Variants in UBE2E3 observed in about 807,000 individuals in gnomAD.
UBE2E3 encodes ubiquitin-conjugating enzyme E2 E3.
A neutral mutation model predicts 23.6 loss-of-function variants in UBE2E3; 5 were observed. The observed-to-expected ratio is 0.21, with a 90% CI of 0.11 to 0.44. The LOEUF is 0.44. Ranked by LOEUF, UBE2E3 falls within the 20% of genes least tolerant of loss-of-function variation. The pLI is 0.99. For synonymous variants in UBE2E3, 78 were observed against 87.5 expected, an observed-to-expected ratio of 0.89 and a Z score of 0.60; for missense variants, 81 against 249.8, an observed-to-expected ratio of 0.32 and a Z score of 4.55.
At chr2:181,058,702 A>G (rs1175051637) in intron 4 of UBE2E3, among the ~76,000 whole-genome samples, 1 of 146,950 alleles carries the variant, frequency 6.8e-6, no homozygotes, top group Non-Finnish European at 1.5e-5. Flanking sequence ...AGTCTATACC[A>G]TTTAAAATTT....
At chr2:181,012,794 A>G (rs1685374801) in intron 3 of UBE2E3, among the ~76,000 whole-genome samples, 1 of 152,150 alleles carries the variant, frequency 6.6e-6, no homozygotes, top group Non-Finnish European at 1.5e-5. Flanking sequence ...ACATTAGACT[A>G]AAGTTTTATT....
chr2:181,046,893 C>G (rs929663506), intron 3 of UBE2E3, among the ~76,000 whole-genome samples: 2 of 152,104 alleles, frequency 1.3e-5, no homozygotes, highest in Admixed American at 6.6e-5. Flanking sequence ...TATTGGGCCC[C>G]TGTCCCTCTT....
At chr2:180,989,522 T>G (rs1366043590) in intron 3 of UBE2E3, among the ~76,000 whole-genome samples, 1 of 152,160 alleles carries the variant, frequency 6.6e-6, no homozygotes, top group East Asian at 1.9e-4. Flanking sequence ...CTAGCTACTG[T>G]TTTTGCTTAT....
At chr2:180,985,426 T>TA (rs530199263) in intron 3 of UBE2E3, among the ~76,000 whole-genome samples, 5 of 152,110 alleles carry the variant, frequency 3.3e-5, no homozygotes, top group African/African-American at 1.2e-4. Context: ...TGCATTGACT[T>TA]AAAAAAAGTT....
At chr2:181,027,356 A>G (rs1211982117) in intron 3 of UBE2E3, among the ~76,000 whole-genome samples, 1 of 151,916 alleles carries the variant, frequency 6.6e-6, no homozygotes, top group African/African-American at 2.4e-5. Flanking sequence ...GCTGCATCAT[A>G]TATCATGGTC....
intron 3 of UBE2E3, among the ~76,000 whole-genome samples, chr2:181,044,027 T>G (rs755674072): frequency 4.6e-5 from 7 of 152,152 alleles, no homozygotes; most frequent in Non-Finnish European, 8.8e-5. Flanking sequence ...GGATAGCTTC[T>G]TGGATGTGGG....
intron 3 of UBE2E3, among the ~76,000 whole-genome samples, chr2:181,028,482 C>T (rs1439486881): frequency 6.6e-6 from 1 of 152,032 alleles, no homozygotes; most frequent in Non-Finnish European, 1.5e-5. Context: ...CAAGATAATG[C>T]CAAATTGGTG....
intron 3 of UBE2E3, among the ~76,000 whole-genome samples, chr2:181,005,112 G>T (rs138933530): frequency 6.6e-6 from 1 of 152,192 alleles, no homozygotes; most frequent in African/African-American, 2.4e-5. Context: ...ACATAAATTT[G>T]TTGGCTCACA....
intron 3 of UBE2E3, among the ~76,000 whole-genome samples, chr2:181,027,973 T>C (rs1685951341): frequency 6.6e-6 from 1 of 152,012 alleles, no homozygotes; most frequent in South Asian, 2.1e-4. Context: ...CTAGATGGTA[T>C]CATTGAATCT....
chr2:181,041,164 C>CTTGAACCCGGGAGGCA (rs1686483554), intron 3 of UBE2E3, among the ~76,000 whole-genome samples: 2 of 136,946 alleles, frequency 1.5e-5, no homozygotes, highest in Admixed American at 8.2e-5. Flanking sequence ...AGGAGAATTG[C>CTTGAACCCGGGAGGCA]TTGAACCCGG....
chr2:181,010,833 G>C lies in UBE2E3; in HGVS notation c.245+26740G>C, dbSNP rs545103589. Among the ~76,000 whole-genome samples the C allele has an allele frequency of 6.2e-5, 9 of 145,598 alleles. 1 individual carries two copies. The South Asian group carries it at 1.9e-3, about 31-fold the overall frequency. On this transcript the variant is annotated intron_variant, in intron 3 of 5. Coordinates refer to ENST00000410062, the MANE Select transcript of UBE2E3 (RefSeq NM_006357.4). ...CCTCTTTTTTTTTTTTTTACATTTT[G>C]CATGGATGTGTTTATTGGCAACATT...
chr2:181,000,790 G>A (rs1405274064), intron 3 of UBE2E3, among the ~76,000 whole-genome samples: 1 of 152,158 alleles, frequency 6.6e-6, no homozygotes, highest in Non-Finnish European at 1.5e-5. Flanking sequence ...TCCTGATCGT[G>A]TGATCCGACC....
intron 5 of UBE2E3, among the ~76,000 whole-genome samples, chr2:181,062,318 A>C (rs1182912844): frequency 1.3e-5 from 2 of 151,724 alleles, no homozygotes; most frequent in African/African-American, 4.8e-5. Flanking sequence ...ATGGCAAGTA[A>C]GTTTTCAAGT....
intron 3 of UBE2E3, among the ~76,000 whole-genome samples, chr2:181,044,389 C>T (rs543446895): frequency 5.9e-5 from 9 of 152,078 alleles, no homozygotes; most frequent in Non-Finnish European, 1.2e-4. Context: ...TTATCTATGG[C>T]ACTATGTATG....
At chr2:180,985,426 TAAAA>T (rs530199263) in intron 3 of UBE2E3, among the ~76,000 whole-genome samples, 1 of 152,110 alleles carries the variant, frequency 6.6e-6, no homozygotes, top group Non-Finnish European at 1.5e-5. Flanking sequence ...TGCATTGACT[TAAAA>T]AAAGTTCATT....
intron 3 of UBE2E3, among the ~76,000 whole-genome samples, chr2:181,037,368 A>G (rs1340803747): frequency 6.6e-6 from 1 of 152,130 alleles, no homozygotes; most frequent in Non-Finnish European, 1.5e-5. Flanking sequence ...AGGCATTGTT[A>G]TAGGAGATGA....
chr2:181,054,320 A>G (rs1686927615), intron 3 of UBE2E3, among the ~76,000 whole-genome samples: 1 of 151,796 alleles, frequency 6.6e-6, no homozygotes, highest in Non-Finnish European at 1.5e-5. Context: ...GAATCTAGAT[A>G]TTTTGCATTT....
intron 3 of UBE2E3, among the ~76,000 whole-genome samples, chr2:181,029,250 G>A (rs888302946): frequency 6.6e-6 from 1 of 151,950 alleles, no homozygotes; most frequent in Non-Finnish European, 1.5e-5. Context: ...TATCTAGTAG[G>A]ACAAGTATCT....
At chr2:181,052,974 G>A (rs893168267) in intron 3 of UBE2E3, among the ~76,000 whole-genome samples, 6 of 151,688 alleles carry the variant, frequency 4.0e-5, no homozygotes, top group Non-Finnish European at 5.9e-5. Flanking sequence ...AGGACACCTC[G>A]CCATCACTTT....
Sources: allele counts gnomAD v4.1 joint callset (sites outside exome capture counted in the v4.1 genomes callset), GRCh38; gene constraint gnomAD v4.1.1; transcripts MANE v1.5; gene names NCBI Gene and HGNC (gene_info 2026-07-23, HGNC 2026-07-21).